NCOA7: variants seen among roughly 807,000 people sequenced by gnomAD.
NCOA7 encodes nuclear receptor coactivator 7, also known as 140 kDa estrogen receptor-associated protein.
A neutral mutation model predicts 104.3 loss-of-function variants in NCOA7; 45 were observed. The observed-to-expected ratio is 0.43, with a 90% CI of 0.34 to 0.55. The LOEUF is 0.55. Among genes scored for constraint, NCOA7 ranks in the 20% least tolerant of loss-of-function variants. The probability of loss-of-function intolerance (pLI) is 0.02; values close to 1 mark genes in which losing one functional copy is unlikely to be tolerated. For synonymous variants in NCOA7, 398 were observed against 402.3 expected (o/e 0.99, Z 0.13); for missense variants, 1,041 against 1,119.7 (o/e 0.93, Z 1.00).
At chr6:125,924,126 T>A (rs1787819586) in intron 13 of NCOA7, among the ~76,000 whole-genome samples, 2 of 152,240 alleles carry the variant, frequency 1.3e-5, no homozygotes, top group African/African-American at 4.8e-5. Flanking sequence ...AGTGAAATGT[T>A]CCAGAATTGG....
intron 10 of NCOA7, among the ~76,000 whole-genome samples, chr6:125,903,068 A>G (rs1337676533): frequency 6.6e-6 from 1 of 152,174 alleles, no homozygotes; most frequent in Admixed American, 6.5e-5. Context: ...TCTTCTTTAG[A>G]GATGACAACT....
At chr6:125,916,642 A>G (rs2128691543) in intron 11 of NCOA7, among the ~76,000 whole-genome samples, 1 of 152,214 alleles carries the variant, frequency 6.6e-6, no homozygotes, top group Non-Finnish European at 1.5e-5. Context: ...ATGAATTCAA[A>G]CACATCCTTA....
At chr6:125,838,574 T>A (rs1272264447) in intron 2 of NCOA7, among the ~76,000 whole-genome samples, 1 of 152,048 alleles carries the variant, frequency 6.6e-6, no homozygotes, top group Non-Finnish European at 1.5e-5. Context: ...TATTCTGGAG[T>A]GAAATGCTTT....
intron 3 of NCOA7, among the ~76,000 whole-genome samples, chr6:125,872,023 C>T (rs1782968428): frequency 6.8e-6 from 1 of 146,280 alleles, no homozygotes; most frequent in Admixed American, 6.8e-5. Flanking sequence ...AAAAAAGACA[C>T]AAGACATTTA....
At chr6:125,809,234 G>A (rs965985472) in intron 1 of NCOA7, among the ~76,000 whole-genome samples, 3 of 151,984 alleles carry the variant, frequency 2.0e-5, no homozygotes, top group Admixed American at 2.0e-4. Context: ...TGACGCCCAG[G>A]CTGGAGTGCA....
At chr6:125,915,273 A>G in intron 10 of NCOA7, 60 bp from the exon 11 acceptor site, 3 of 1,601,322 alleles carry the variant, frequency 1.9e-6, no homozygotes, top group South Asian at 2.2e-5. Context: ...TGAAGTCCAC[A>G]CTAGCACCTG....
intron 10 of NCOA7, among the ~76,000 whole-genome samples, chr6:125,909,832 T>C (rs1403184165): frequency 2.6e-5 from 4 of 151,968 alleles, no homozygotes; most frequent in South Asian, 2.1e-4. Context: ...AAAGGACTTA[T>C]GGGATTTTGG....
rs181466578 is a variant in NCOA7 at position 125,803,275 on chromosome 6, T to G, written c.-64-12016T>G. On this transcript the variant is annotated intron_variant, in intron 1 of 15. Transcript: ENST00000392477. ...ACTTCCCATTAGCACTTCCTCTGTGTGTCATACGTTTTATTTGGCATAACT... is the reference window on the plus strand; with the variant it reads ...ACTTCCCATTAGCACTTCCTCTGTGGGTCATACGTTTTATTTGGCATAACT... Among the ~76,000 whole-genome samples the G allele has an allele frequency of 3.6e-4, 55 of 152,346 alleles. 1 individual carries two copies. The highest frequency in any genetic ancestry group is 1.3e-3 in the African/African-American group (53 of 41,580).
At chr6:125,922,021 C>T (rs575072246) in intron 12 of NCOA7, among the ~76,000 whole-genome samples, 1 of 152,170 alleles carries the variant, frequency 6.6e-6, no homozygotes, top group Admixed American at 6.5e-5. Context: ...AGACCCAAGA[C>T]AGCCAAGAAG....
intron 7 of NCOA7, among the ~76,000 whole-genome samples, chr6:125,883,620 A>G (rs1784023896): frequency 6.6e-6 from 1 of 151,718 alleles, no homozygotes; most frequent in South Asian, 2.1e-4. Context: ...TGCCTATTCT[A>G]GACAATTTAT....
At chr6:125,812,264 A>C (rs1777093874) in intron 1 of NCOA7, among the ~76,000 whole-genome samples, 1 of 152,150 alleles carries the variant, frequency 6.6e-6, no homozygotes, top group African/African-American at 2.4e-5. Context: ...TTGAAATCCT[A>C]ACCACTTTAC....
chr6:125,888,955 C>A lies in NCOA7; in HGVS notation c.901C>A (p.Leu301Ile). Residue 301 changes from leucine (L) to isoleucine (I), a missense_variant, in exon 9 of 16, where the codon CTT becomes ATT. Leu to Ile is a conservative substitution (Grantham distance 5). Transcript: ENST00000392477. ...CCCCAACAGTGACCTACCTCAGGATCTTTGTCCTCTGTACAGGCCTGGAGA... is the reference window on the plus strand; with the variant it reads ...CCCCAACAGTGACCTACCTCAGGATATTTGTCCTCTGTACAGGCCTGGAGA... ...DALPSDLPQDLCPLYRPGEWE... is the reference protein window; with the variant it reads ...DALPSDLPQDICPLYRPGEWE... The A allele has an allele frequency of 6.2e-7, 1 of 1,607,738 alleles. No individual in the cohort carries two copies. The highest frequency in any genetic ancestry group is 1.7e-5 in the Admixed American group (1 of 59,192).
chr6:125,879,135 C>T (rs1783618954), intron 5 of NCOA7, among the ~76,000 whole-genome samples: 1 of 152,128 alleles, frequency 6.6e-6, no homozygotes. Context: ...GAGCTATATA[C>T]CAAGATCACA....
intron 5 of NCOA7, among the ~76,000 whole-genome samples, chr6:125,878,683 C>A (rs185538960): frequency 3.9e-4 from 59 of 152,034 alleles, no homozygotes; most frequent in Admixed American, 3.1e-3. Flanking sequence ...CTCAACTTTA[C>A]GATATTTTCA....
chr6:125,913,718 G>A, intron 10 of NCOA7: 1 of 909,608 alleles, frequency 1.1e-6, no homozygotes, highest in Non-Finnish European at 1.3e-6. Flanking sequence ...TGGGGGAAAA[G>A]ACATGATTAA....
chr6:125,881,424 C>A (rs1404220657), intron 6 of NCOA7, among the ~76,000 whole-genome samples: 1 of 152,096 alleles, frequency 6.6e-6, no homozygotes, highest in Non-Finnish European at 1.5e-5. Flanking sequence ...AGTCCCAGCA[C>A]TCTGGGAGGC....
chr6:125,808,251 A>T (rs1776640989), intron 1 of NCOA7, among the ~76,000 whole-genome samples: 1 of 152,088 alleles, frequency 6.6e-6, no homozygotes, highest in African/African-American at 2.4e-5. Flanking sequence ...AAACTCCTGC[A>T]TCTCCTTCCC....
intron 3 of NCOA7, 65 bp downstream of exon 3, chr6:125,855,305 T>G: frequency 7.9e-7 from 1 of 1,272,040 alleles, no homozygotes; most frequent in Non-Finnish European, 1.1e-6. Flanking sequence ...TTTAAAAGAC[T>G]ATCATTTGTG....
intron 10 of NCOA7, among the ~76,000 whole-genome samples, chr6:125,913,271 G>A (rs558771670): frequency 6.6e-6 from 1 of 152,286 alleles, no homozygotes; most frequent in East Asian, 1.9e-4. Flanking sequence ...GGGAAAGAGT[G>A]GGTATTGCAG....
Sources: gnomAD v4.1 joint callset for allele counts (sites outside exome capture counted in the v4.1 genomes callset) on GRCh38, gnomAD v4.1.1 for gene constraint, MANE v1.5 for transcripts, NCBI Gene and HGNC (gene_info 2026-07-23, HGNC 2026-07-21) for gene names.